The following ST8SIA5 variants were observed in gnomAD, a reference collection of about 807,000 sequenced individuals.
ST8SIA5 encodes the protein ST8 alpha-N-acetyl-neuraminide alpha-2,8-sialyltransferase 5.
A neutral mutation model predicts 40.2 loss-of-function variants in ST8SIA5; 24 were observed. The ratio of observed to expected loss-of-function variants is 0.60; its 90% CI spans 0.43 to 0.84. The LOEUF (loss-of-function observed/expected upper bound fraction) is 0.84, where lower values mean the gene tolerates loss of function less well. Ranked by LOEUF, ST8SIA5 falls within the 40% of genes least tolerant of loss-of-function variation. The pLI is 0.00. For missense variants in ST8SIA5, 465 were observed against 498.5 expected, an observed-to-expected ratio of 0.93 and a Z score of 0.64; for synonymous variants, 198 against 201.8, an observed-to-expected ratio of 0.98 and a Z score of 0.16.
chr18:46,741,378 A>T (rs945985105), intron 1 of ST8SIA5, among the ~76,000 whole-genome samples: 2 of 152,222 alleles, frequency 1.3e-5, no homozygotes, highest in South Asian at 2.1e-4. Flanking sequence ...AATTAGTAAG[A>T]CTTAATGGAT....
intron 2 of ST8SIA5, among the ~76,000 whole-genome samples, chr18:46,696,768 A>G (rs1053993228): frequency 1.3e-5 from 2 of 152,214 alleles, no homozygotes; most frequent in African/African-American, 4.8e-5. Context: ...CCAAGACACC[A>G]CTAACATTCC....
intron 4 of ST8SIA5, among the ~76,000 whole-genome samples, chr18:46,686,824 A>C (rs1362503431): frequency 6.6e-6 from 1 of 152,010 alleles, no homozygotes. Context: ...GGCAAAAAAA[A>C]AAAAAAAAAT....
At chr18:46,703,736 T>C (rs2039641380) in intron 2 of ST8SIA5, among the ~76,000 whole-genome samples, 1 of 152,214 alleles carries the variant, frequency 6.6e-6, no homozygotes, top group Admixed American at 6.5e-5. Flanking sequence ...GAATAAACTA[T>C]ATTTTTTCCA....
At chr18:46,701,524 A>G (rs995357934) in intron 2 of ST8SIA5, among the ~76,000 whole-genome samples, 1 of 152,118 alleles carries the variant, frequency 6.6e-6, no homozygotes, top group African/African-American at 2.4e-5. Context: ...ACAAAGAGAG[A>G]TTAGAGCACA....
Position 46,717,837 on chromosome 18 carries a change from AT to A in ST8SIA5, c.132-13174del, listed in dbSNP as rs558387396. On this transcript the variant is annotated intron_variant, in intron 1 of 6. Coordinates refer to ENST00000315087, the MANE Select transcript of ST8SIA5 (RefSeq NM_013305.6). Reference sequence around the variant, plus strand: ...CCTTTACTATTTCCTCGCTTAATTCATTTTTTTTTTTTACACAATTCACATT... The same window carrying A: ...CCTTTACTATTTCCTCGCTTAATTCATTTTTTTTTTTACACAATTCACATT... 4.4e-3 allele frequency among the ~76,000 whole-genome samples: 637 copies of A among 146,370 alleles called. 1 individual carries two copies. Among genetic ancestry groups the A allele is most frequent in the Middle Eastern group, 0.014 (4 of 288 alleles).
chr18:46,693,520 C>G (rs1450657287), intron 2 of ST8SIA5, among the ~76,000 whole-genome samples: 3 of 152,236 alleles, frequency 2.0e-5, no homozygotes, highest in African/African-American at 7.2e-5. Flanking sequence ...AAGGGAACGT[C>G]TAAACCACAC....
chr18:46,700,517 C>A (rs557170729), intron 2 of ST8SIA5, among the ~76,000 whole-genome samples: 2 of 152,304 alleles, frequency 1.3e-5, no homozygotes, highest in East Asian at 3.9e-4. Context: ...CTCTGCAGCT[C>A]TCTGATTTCA....
intron 5 of ST8SIA5, among the ~76,000 whole-genome samples, chr18:46,685,535 AC>A (rs1314196301): frequency 3.9e-5 from 6 of 152,102 alleles, no homozygotes; most frequent in African/African-American, 7.2e-5. Context: ...TTATTTAAGG[AC>A]CTCAAATCAC....
intron 1 of ST8SIA5, among the ~76,000 whole-genome samples, chr18:46,719,050 C>T (rs73433076): frequency 1.3e-5 from 2 of 152,126 alleles, no homozygotes; most frequent in Admixed American, 6.5e-5. Flanking sequence ...AGTCCTTCAA[C>T]TAGGGGGGTA....
intron 3 of ST8SIA5, among the ~76,000 whole-genome samples, chr18:46,690,613 C>CT (rs34766517): frequency 0.14 from 15,918 of 116,798 alleles, 2,307 homozygotes; most frequent in African/African-American, 0.32. Flanking sequence ...GCTGCTGAGA[C>CT]TTTTTTTTTT....
At chr18:46,703,438 C>T (rs907511557) in intron 2 of ST8SIA5, among the ~76,000 whole-genome samples, 2 of 152,124 alleles carry the variant, frequency 1.3e-5, no homozygotes, top group African/African-American at 4.8e-5. Context: ...CTACAGCAAC[C>T]CTTAAAGGGT....
Position 46,742,679 on chromosome 18 carries a change from G to A in ST8SIA5, c.131+13699C>T, listed in dbSNP as rs544987027. ...AGCAGAAACTTCTGCAGACTTAAACGTCCCTGTCTGACAGCTCTGAAGAGA... is the reference window on the plus strand; with the variant it reads ...AGCAGAAACTTCTGCAGACTTAAACATCCCTGTCTGACAGCTCTGAAGAGA... On this transcript the variant is annotated intron_variant, in intron 1 of 6. Coordinates refer to ENST00000315087, the MANE Select transcript of ST8SIA5 (RefSeq NM_013305.6). Among the ~76,000 whole-genome samples, 42 of 152,270 alleles carry A rather than the reference G, an allele frequency of 2.8e-4. 1 individual carries two copies. The East Asian group carries it at 6.9e-3, about 25-fold the overall frequency.
At chr18:46,710,915 G>A (rs1320253610) in intron 1 of ST8SIA5, among the ~76,000 whole-genome samples, 2 of 152,144 alleles carry the variant, frequency 1.3e-5, no homozygotes, top group African/African-American at 4.8e-5. Context: ...AGACACTGAT[G>A]GTACTCCAGA....
intron 6 of ST8SIA5, 63 bp from the exon 7 acceptor site, chr18:46,680,573 C>A: frequency 6.8e-7 from 1 of 1,471,246 alleles, no homozygotes; most frequent in South Asian, 1.4e-5. Flanking sequence ...CCCTCGCTTC[C>A]CCACCCTTGC....
At chr18:46,751,427 C>T (rs1358103532) in intron 1 of ST8SIA5, among the ~76,000 whole-genome samples, 4 of 151,788 alleles carry the variant, frequency 2.6e-5, no homozygotes, top group African/African-American at 4.8e-5. Context: ...GACAGAGTCT[C>T]GCTCTGTCAC....
chr18:46,746,264 A>G (rs1479380776), intron 1 of ST8SIA5, among the ~76,000 whole-genome samples: 1 of 152,232 alleles, frequency 6.6e-6, no homozygotes, highest in Non-Finnish European at 1.5e-5. Context: ...TTAGGAAAAG[A>G]GGAAATCAAA....
intron 5 of ST8SIA5, among the ~76,000 whole-genome samples, chr18:46,684,655 T>G (rs973011021): frequency 4.6e-5 from 7 of 152,234 alleles, no homozygotes; most frequent in African/African-American, 1.4e-4. Context: ...AAGTCCATTC[T>G]TTCATTCACG....
At chr18:46,731,398 T>C (rs1291685845) in intron 1 of ST8SIA5, among the ~76,000 whole-genome samples, 1 of 152,204 alleles carries the variant, frequency 6.6e-6, no homozygotes, top group Non-Finnish European at 1.5e-5. Context: ...GAGAATGTCA[T>C]GTCTTTCTCC....
chr18:46,698,295 C>T (rs534132262), intron 2 of ST8SIA5, among the ~76,000 whole-genome samples: 3 of 151,684 alleles, frequency 2.0e-5, no homozygotes, highest in Admixed American at 1.3e-4. Flanking sequence ...AACCCAACAA[C>T]CCACCACACC....
Sources: gnomAD v4.1 joint callset for allele counts (sites outside exome capture counted in the v4.1 genomes callset) on GRCh38, gnomAD v4.1.1 for gene constraint, MANE v1.5 for transcripts, NCBI Gene and HGNC (gene_info 2026-07-23, HGNC 2026-07-21) for gene names.